PER2: variants seen among roughly 807,000 people sequenced by gnomAD.
PER2 encodes the protein period circadian protein homolog 2.
In PER2, 66 loss-of-function variants were observed where a neutral mutation model predicts 121.0. The observed-to-expected ratio is 0.55, with a 90% confidence interval of 0.45 to 0.67. PER2 has a LOEUF of 0.67. Among genes scored for constraint, PER2 ranks in the 30% least tolerant of loss-of-function variants. The pLI is 0.00. For synonymous variants in PER2, 684 were observed against 659.9 expected (o/e 1.04, Z -0.56); for missense variants, 1,521 against 1,635.0 (o/e 0.93, Z 1.20).
At chr2:238,251,133 C>A (rs996554235) in intron 20 of PER2, among the ~76,000 whole-genome samples, 2 of 152,192 alleles carry the variant, frequency 1.3e-5, no homozygotes, top group Non-Finnish European at 2.9e-5. Flanking sequence ...AGCACGCCTG[C>A]GAAGGGAGGC....
rs1390363254 is a variant in PER2 at position 238,261,759 on chromosome 2, G to A, written c.1386C>T (p.Leu462=). The A allele has an allele frequency of 1.9e-6, 3 of 1,570,412 alleles. No individual in the cohort carries two copies. Among genetic ancestry groups the A allele is most frequent in the Non-Finnish European group, 2.6e-6 (3 of 1,156,860 alleles). The change falls in exon 12 of 23, where the codon CTC becomes CTT. Residue 462 remains leucine (L), a synonymous_variant. Transcript: ENST00000254657. ...EKALHPSIQE[L]TEQIHRLLLQ... ...GCAGGAGCCGGTGGATCTGCTCTGT[G>A]AGCTCCTGAATGCTGGGGTGCAGGG...
At chr2:238,293,563 C>T (rs563914447), upstream of PER2, among the ~76,000 whole-genome samples, 2 of 151,882 alleles carry the variant, frequency 1.3e-5, no homozygotes, top group East Asian at 3.9e-4. Flanking sequence ...GGTGAAACTC[C>T]GTCTCTACTA....
In PER2 at chr2:238,268,942, A is replaced by G. The variant is rs751282301; in HGVS notation, c.805T>C (p.Ser269Pro). 2 of 1,612,970 alleles carry G rather than the reference A, an allele frequency of 1.2e-6. No individual in the cohort carries two copies. The highest frequency in any genetic ancestry group is 3.3e-4 in the Middle Eastern group (2 of 6,062). ...GCTTACCTGACACGGCAAAAGAAAG[A>G]TTTCTCCTCCATGCATTCTTGAGTA... ...SFTQECMEEK[S>P]FFCRVSVRKS... Residue 269 changes from serine to proline, a missense_variant, in exon 7 of 23, where the codon TCT becomes CCT. Physicochemically the swap from Ser to Pro is moderately conservative, Grantham distance 74. Transcript: ENST00000254657. The surrounding 1 kb of genome is among the most constrained non-coding windows in gnomAD (Gnocchi z 4.0).
intron 6 of PER2, among the ~76,000 whole-genome samples, chr2:238,269,928 C>T (rs1454690413): frequency 5.3e-5 from 8 of 152,232 alleles, no homozygotes; most frequent in Non-Finnish European, 1.2e-4. Flanking sequence ...AAGGTAAATC[C>T]TGCCCTCAGG....
In PER2 at chr2:238,252,600, A is replaced by C. The variant is rs1215171005; in HGVS notation, c.3111+312T>G. 2.0e-5 allele frequency among the ~76,000 whole-genome samples: 3 copies of C among 152,224 alleles called. No homozygotes were observed. Among genetic ancestry groups the C allele is most frequent in the Non-Finnish European group, 4.4e-5 (3 of 68,046 alleles). On this transcript the variant is annotated intron_variant, in intron 19 of 22. Coordinates refer to ENST00000254657, the MANE Select transcript of PER2 (RefSeq NM_022817.3). The surrounding 1 kb of genome is among the most constrained non-coding windows in gnomAD (Gnocchi z 4.2). The stretch of plus-strand genomic sequence containing the variant: ...CTGGTATTTAACCTGACTGTGCTTT[A>C]TCTCTGAAGCGTCATTTAAAAAGTC...
In PER2 at chr2:238,253,729, G is replaced by A. The variant is rs772733922; in HGVS notation, c.2321-27C>T. On this transcript the variant is annotated intron_variant, in intron 18 of 22. Coordinates refer to ENST00000254657, the MANE Select transcript of PER2 (RefSeq NM_022817.3). The surrounding 1 kb of genome is among the most constrained non-coding windows in gnomAD (Gnocchi z 5.6). ...TAATGCAGAAAAACAAATACTCGGA[G>A]TTAAAATTTTAACTCCAAATTTGAA... The A allele has an allele frequency of 6.5e-7, 1 of 1,547,830 alleles. No individual in the cohort carries two copies. Among genetic ancestry groups the A allele is most frequent in the South Asian group, 1.2e-5 (1 of 86,360 alleles).
In PER2 at chr2:238,257,040, C is replaced by G. The variant is rs370871467; in HGVS notation, c.1947G>C (p.Thr649=). Residue 649 remains threonine, a synonymous_variant, in exon 17 of 23, where the codon ACG becomes ACC. Coordinates refer to ENST00000254657, the MANE Select transcript of PER2 (RefSeq NM_022817.3). ...CCGGCAGTGCCAGCGAGGTCAGGTGCGTACCTACTCCCGTGCGGCTGTTCA... is the reference window on the plus strand; with the variant it reads ...CCGGCAGTGCCAGCGAGGTCAGGTGGGTACCTACTCCCGTGCGGCTGTTCA... ...SRVNSRTGVG[T]HLTSLALPGK... 2 of 1,613,354 alleles carry G rather than the reference C, an allele frequency of 1.2e-6. No homozygotes were observed. The highest frequency in any genetic ancestry group is 1.7e-6 in the Non-Finnish European group (2 of 1,179,920).
intron 20 of PER2, 54 bp from the exon 21 acceptor site, chr2:238,250,797 T>C: frequency 8.0e-7 from 1 of 1,253,934 alleles, no homozygotes; most frequent in Non-Finnish European, 1.2e-6. Flanking sequence ...AAATTAAACC[T>C]TGCATAATGT....
chr2:238,289,703 G>C (rs562374043), upstream of PER2: 1 of 152,398 alleles, frequency 6.6e-6, no homozygotes, highest in East Asian at 1.9e-4. Context: ...CTGAGAAAGG[G>C]ACGCCTTACA....
intron 18 of PER2, among the ~76,000 whole-genome samples, chr2:238,254,015 A>T (rs1297240562): frequency 2.0e-5 from 3 of 152,264 alleles, no homozygotes; most frequent in Non-Finnish European, 4.4e-5. Flanking sequence ...TCTATTTGTT[A>T]AATAAATACA....
At chr2:238,279,129 C>T (rs748096858) in intron 1 of PER2, among the ~76,000 whole-genome samples, 2 of 152,250 alleles carry the variant, frequency 1.3e-5, no homozygotes, top group Non-Finnish European at 2.9e-5. Flanking sequence ...CTTCTTCACC[C>T]AGTGATGTCT....
At chr2:238,261,403 T>G (rs1695927234) in intron 12 of PER2, 1 of 430,230 alleles carries the variant, frequency 2.3e-6, no homozygotes, top group Non-Finnish European at 4.3e-6. Flanking sequence ...CTGCTCTGGA[T>G]TAGAATGAGC....
At chr2:238,277,102 T>A (rs780634300) in intron 3 of PER2, 29 bp downstream of exon 3, 2 of 1,505,900 alleles carry the variant, frequency 1.3e-6, no homozygotes, top group Non-Finnish European at 1.8e-6. Context: ...CTCTAAAACC[T>A]CTATGTATGA....
At chr2:238,293,750 A>G (rs1159053636), upstream of PER2, among the ~76,000 whole-genome samples, 1 of 149,430 alleles carries the variant, frequency 6.7e-6, no homozygotes, top group African/African-American at 2.5e-5. Context: ...AAAAAAAAAG[A>G]AAGAAAAAGA....
Position 238,260,823 on chromosome 2 carries a change from C to T in PER2, c.1542+5G>A, listed in dbSNP as rs1695902450. ...TTTTCTCAGGGAGAATGGAAGGAGA[C>T]GTACGGCTCTCCTCCGGCGTGAGTC... On this transcript the variant is annotated splice_donor_5th_base_variant and intron_variant, in intron 13 of 22. Transcript: ENST00000254657. 1.9e-6 allele frequency: 3 copies of T among 1,613,926 alleles called. No homozygotes were observed. Among genetic ancestry groups the T allele is most frequent in the Non-Finnish European group, 2.5e-6 (3 of 1,179,952 alleles).
rs746882882 is a variant in PER2 at position 238,277,096 on chromosome 2, A to C, written c.293+35T>G. The C allele has an allele frequency of 1.1e-5, 16 of 1,475,734 alleles. No homozygotes were observed. The Admixed American group carries it at 2.5e-4, about 23-fold the overall frequency. 91.4% of individuals were successfully genotyped at this position (1,475,734 alleles called of 1,614,324 possible). A position where few individuals can be genotyped will look rare whatever the true frequency, so the allele number is the denominator to read the frequency against. Reference sequence around the variant, plus strand: ...CAATAAGAAGTCTTTCAATTTCTCTAAAACCTCTATGTATGAAGTTCTAAT... The same window carrying C: ...CAATAAGAAGTCTTTCAATTTCTCTCAAACCTCTATGTATGAAGTTCTAAT... On this transcript the variant is annotated intron_variant, in intron 3 of 22. Transcript: ENST00000254657.
At chr2:238,295,979 A>G in the PER2 span, 71,499 of 248,720 alleles carry the variant, frequency 0.29, 11,938 homozygotes, top group East Asian at 0.46. Context: ...AGCAAATGGT[A>G]GGTCAGGGGA....
intron 8 of PER2, among the ~76,000 whole-genome samples, chr2:238,266,090 A>AGTTG (rs1157612561): frequency 6.7e-6 from 1 of 150,304 alleles, no homozygotes; most frequent in Non-Finnish European, 1.5e-5. Flanking sequence ...TTTTTAGTTG[A>AGTTG]GGTGGGGTTT....
chr2:238,271,867 G>A (rs1696299513), intron 5 of PER2, among the ~76,000 whole-genome samples: 1 of 151,738 alleles, frequency 6.6e-6, no homozygotes, highest in Non-Finnish European at 1.5e-5. Flanking sequence ...GCCCCGAGAT[G>A]ACCCCAATCC....
Sources: gnomAD v4.1 joint callset for allele counts (sites outside exome capture counted in the v4.1 genomes callset) on GRCh38, gnomAD v4.1.1 for gene constraint, Gnocchi (gnomAD v3.1) non-coding constraint, MANE v1.5 for transcripts, NCBI Gene and HGNC (gene_info 2026-07-23, HGNC 2026-07-21) for gene names.